The following ARHGAP44 variants were observed in gnomAD, a reference collection of about 807,000 sequenced individuals.
The protein encoded by ARHGAP44 is Rho GTPase activating protein 44.
ARHGAP44 carries 43 observed loss-of-function variants against 106.8 expected under a neutral mutation model. The ratio of observed to expected loss-of-function variants is 0.40; its 90% CI spans 0.32 to 0.52. ARHGAP44 has a LOEUF of 0.52. ARHGAP44 is among the 20% of genes least tolerant of loss of function. The probability of loss-of-function intolerance (pLI) is 0.48; values close to 1 mark genes in which losing one functional copy is unlikely to be tolerated. For missense variants in ARHGAP44, 866 were observed against 1,050.5 expected, an observed-to-expected ratio of 0.82 and a Z score of 2.43; for synonymous variants, 439 against 410.3, an observed-to-expected ratio of 1.07 and a Z score of -0.85.
rs569290678 is a variant in ARHGAP44 at position 12,924,904 on chromosome 17, G to A, written c.465-4025G>A. On this transcript the variant is annotated intron_variant, in intron 6 of 20. Coordinates refer to ENST00000379672, the MANE Select transcript of ARHGAP44 (RefSeq NM_014859.6). ...CAGTCTGTGGTACTTTGTTATGGAAGCCCTACCTTCTTTGGAAGCAAGTGA... is the reference window on the plus strand; with the variant it reads ...CAGTCTGTGGTACTTTGTTATGGAAACCCTACCTTCTTTGGAAGCAAGTGA... Among the ~76,000 whole-genome samples the A allele has an allele frequency of 3.9e-5, 6 of 152,306 alleles. No individual in the cohort carries two copies. The South Asian group carries it at 6.2e-4, about 16-fold the overall frequency.
chr17:12,792,206 T>A (rs2033784675), intron 1 of ARHGAP44, among the ~76,000 whole-genome samples: 1 of 152,208 alleles, frequency 6.6e-6, no homozygotes, highest in Non-Finnish European at 1.5e-5. Context: ...TCCTTCCAAG[T>A]AGCTTTTTCT....
At chr17:12,837,618 A>T (rs1331769557) in intron 1 of ARHGAP44, among the ~76,000 whole-genome samples, 6 of 151,240 alleles carry the variant, frequency 4.0e-5, no homozygotes, top group African/African-American at 1.2e-4. Context: ...TTTTTTTTTA[A>T]ATCAGGCCAC....
chr17:12,972,460 C>T (rs929293406), intron 16 of ARHGAP44, among the ~76,000 whole-genome samples: 25 of 151,696 alleles, frequency 1.6e-4, no homozygotes, highest in Non-Finnish European at 3.2e-4. Flanking sequence ...CCAGCCTGGC[C>T]AAGATGGTTA....
At chr17:12,871,351 G>A (rs565014752) in intron 1 of ARHGAP44, among the ~76,000 whole-genome samples, 1 of 152,094 alleles carries the variant, frequency 6.6e-6, no homozygotes, top group Admixed American at 6.6e-5. Context: ...GTCCATTCTC[G>A]CACTGCTGTA....
At chr17:12,889,765 ACTT>A (rs1198239483) in intron 1 of ARHGAP44, among the ~76,000 whole-genome samples, 5 of 152,172 alleles carry the variant, frequency 3.3e-5, no homozygotes, top group Non-Finnish European at 7.3e-5. Flanking sequence ...CCTGAGGCAA[ACTT>A]CTTCTAGCTG....
chr17:12,954,139 C>T (rs1173238004), intron 13 of ARHGAP44, among the ~76,000 whole-genome samples: 1 of 151,646 alleles, frequency 6.6e-6, no homozygotes, highest in African/African-American at 2.4e-5. Context: ...CACAGGTGAT[C>T]CGCCCGCCTC....
chr17:12,943,768 C>T, intron 9 of ARHGAP44, 99 bp downstream of exon 9: 2 of 1,269,382 alleles, frequency 1.6e-6, no homozygotes, highest in Non-Finnish European at 2.3e-6. Context: ...TAACACTCTG[C>T]CCAACAGCAT....
intron 1 of ARHGAP44, among the ~76,000 whole-genome samples, chr17:12,802,967 ATAT>A (rs1267633811): frequency 5.7e-4 from 18 of 31,660 alleles, no homozygotes; most frequent in Non-Finnish European, 9.2e-4. Context: ...ATATATATAT[ATAT>A]TTTTTTTTTT....
chr17:12,968,484 T>C (rs909545242), intron 16 of ARHGAP44, among the ~76,000 whole-genome samples: 31 of 152,174 alleles, frequency 2.0e-4, no homozygotes, highest in African/African-American at 7.5e-4. Context: ...CCCTTCTGAC[T>C]CCTGCCTCCT....
At chr17:12,862,921 G>T (rs1409322699) in intron 1 of ARHGAP44, among the ~76,000 whole-genome samples, 1 of 151,866 alleles carries the variant, frequency 6.6e-6, no homozygotes, top group African/African-American at 2.4e-5. Flanking sequence ...GATTGAGGCT[G>T]CAGTGAGCCA....
At chr17:12,813,674 T>C (rs2034506964) in intron 1 of ARHGAP44, among the ~76,000 whole-genome samples, 1 of 152,288 alleles carries the variant, frequency 6.6e-6, no homozygotes. Context: ...CAGGAATGGA[T>C]GTGTGACTTG....
At chr17:12,848,102 A>G (rs1419134243) in intron 1 of ARHGAP44, among the ~76,000 whole-genome samples, 1 of 152,180 alleles carries the variant, frequency 6.6e-6, no homozygotes, top group Non-Finnish European at 1.5e-5. Context: ...AAACAACTGG[A>G]CAAGTGTTAC....
At position 12,789,510 on chromosome 17, in the gene ARHGAP44, G is replaced by C. The variant is rs1200869830; in HGVS notation, c.-329G>C. ...GGGCCAGCCGGCCAGCCAGCCTGCG[G>C]AGACTCCCGGGTCCCCGCGCCGGAC... On this transcript the variant is annotated 5_prime_UTR_variant, in exon 1 of 21. Transcript: ENST00000379672. 1 of 180,660 alleles carries C rather than the reference G, an allele frequency of 5.5e-6. No individual in the cohort carries two copies. Among genetic ancestry groups the C allele is most frequent in the African/African-American group, 2.4e-5 (1 of 42,470 alleles). 11.2% of individuals were successfully genotyped at this position (180,660 alleles called of 1,614,324 possible).
intron 13 of ARHGAP44, 73 bp downstream of exon 13, chr17:12,952,654 T>G (rs1598108812): frequency 2.8e-5 from 30 of 1,089,422 alleles, no homozygotes; most frequent in Non-Finnish European, 3.8e-5. Flanking sequence ...ACTGCCCGGG[T>G]AAAAGTCATG....
At chr17:12,902,714 C>T (rs2037409981) in intron 3 of ARHGAP44, among the ~76,000 whole-genome samples, 1 of 152,162 alleles carries the variant, frequency 6.6e-6, no homozygotes, top group South Asian at 2.1e-4. Context: ...AAGGGTGAAG[C>T]CCAGTTCTGT....
intron 17 of ARHGAP44, 29 bp from the exon 18 acceptor site, chr17:12,974,060 G>T: frequency 6.5e-7 from 1 of 1,548,580 alleles, no homozygotes; most frequent in South Asian, 1.2e-5. Flanking sequence ...TTACGCGTGG[G>T]TAAGCGGTGT....
At chr17:12,843,922 A>T (rs1230066392) in intron 1 of ARHGAP44, among the ~76,000 whole-genome samples, 3 of 151,186 alleles carry the variant, frequency 2.0e-5, no homozygotes, top group Non-Finnish European at 4.4e-5. Context: ...CTTCCAAAGT[A>T]CTGGGATTAC....
chr17:12,877,302 C>A (rs2036586252), intron 1 of ARHGAP44, among the ~76,000 whole-genome samples: 1 of 152,048 alleles, frequency 6.6e-6, no homozygotes, highest in African/African-American at 2.4e-5. Flanking sequence ...GTTCATATAG[C>A]CATTTCTATT....
At chr17:12,826,176 T>C (rs2034914317) in intron 1 of ARHGAP44, among the ~76,000 whole-genome samples, 1 of 152,160 alleles carries the variant, frequency 6.6e-6, no homozygotes, top group Admixed American at 6.6e-5. Context: ...TTTTATCACT[T>C]AGCTATTAAG....
Sources: gnomAD v4.1 joint callset for allele counts (sites outside exome capture counted in the v4.1 genomes callset) on GRCh38, gnomAD v4.1.1 for gene constraint, MANE v1.5 for transcripts, NCBI Gene and HGNC (gene_info 2026-07-23, HGNC 2026-07-21) for gene names.